The following MCM8 variants were observed in gnomAD, a reference collection of about 807,000 sequenced individuals.
MCM8 encodes minichromosome maintenance 8 homologous recombination repair factor, also known as DNA helicase MCM8.
A neutral mutation model predicts 98.9 loss-of-function variants in MCM8; 85 were observed. The ratio of observed to expected loss-of-function variants is 0.86; its 90% CI spans 0.72 to 1.03. MCM8 has a LOEUF of 1.03. MCM8 is among the 50% of genes least tolerant of loss of function. MCM8 has a pLI of 0.00. For missense variants in MCM8, 951 were observed against 997.8 expected, an observed-to-expected ratio of 0.95 and a Z score of 0.63; for synonymous variants, 352 against 338.6, an observed-to-expected ratio of 1.04 and a Z score of -0.44.
At chr20:5,974,900 AC>A (rs2089476496) in intron 12 of MCM8, among the ~76,000 whole-genome samples, 1 of 152,142 alleles carries the variant, frequency 6.6e-6, no homozygotes, top group Non-Finnish European at 1.5e-5. Context: ...CTGTTCTGAG[AC>A]CTCGCTACAA....
Position 5,993,897 on chromosome 20 carries a change from T to A in MCM8, c.2430+202T>A, listed in dbSNP as rs550940467. 6.2e-5 allele frequency: 28 copies of A among 449,692 alleles called. No homozygotes were observed. In the East Asian group the frequency reaches 9.3e-4, roughly 15 times the overall value. 27.9% of individuals were successfully genotyped at this position (449,692 alleles called of 1,614,324 possible). On this transcript the variant is annotated intron_variant, in intron 18 of 18. Transcript: ENST00000610722. ...ACTGTCTCTTGTGGATATGTCATTT[T>A]AACATCTTTTAACGTTGCATCCCTC...
At chr20:5,964,160 A>G (rs1555786674) in intron 8 of MCM8, among the ~76,000 whole-genome samples, 1 of 110,866 alleles carries the variant, frequency 9.0e-6, no homozygotes, top group Non-Finnish European at 2.0e-5. Flanking sequence ...TTCTTTGTGT[A>G]TGTGTTTTTC....
rs753649244 is a variant in MCM8, at chr20:5,973,201, A to G, written c.1395+5A>G. 4 of 1,613,514 alleles carry G rather than the reference A, an allele frequency of 2.5e-6. No homozygotes were observed. Among genetic ancestry groups the G allele is most frequent in the Non-Finnish European group, 3.4e-6 (4 of 1,179,712 alleles). On this transcript the variant is annotated splice_donor_5th_base_variant and intron_variant, in intron 12 of 18. Transcript: ENST00000610722. ...GGAAAAAGTCAAATGCTACAGGTAGACAATCAGTCATTTAGTGTTTGTTCT... is the reference window on the plus strand; with the variant it reads ...GGAAAAAGTCAAATGCTACAGGTAGGCAATCAGTCATTTAGTGTTTGTTCT...
At chr20:5,994,028 C>G in intron 18 of MCM8, 1 of 347,146 alleles carries the variant, frequency 2.9e-6, no homozygotes, top group South Asian at 7.4e-5. Flanking sequence ...GGAAAATTAA[C>G]TTCTTAATTT....
intron 7 of MCM8, among the ~76,000 whole-genome samples, chr20:5,961,314 G>A (rs551653989): frequency 5.3e-5 from 8 of 152,194 alleles, no homozygotes; most frequent in Non-Finnish European, 8.8e-5. Flanking sequence ...ATGTTTCCTC[G>A]GTGGTACCCA....
intron 10 of MCM8, among the ~76,000 whole-genome samples, chr20:5,970,858 G>T (rs1399817128): frequency 6.6e-6 from 1 of 152,060 alleles, no homozygotes; most frequent in Non-Finnish European, 1.5e-5. Context: ...GCCCAGGCTG[G>T]ATTGCCGTGG....
At chr20:5,962,641 TG>T (rs2089177842) in intron 7 of MCM8, among the ~76,000 whole-genome samples, 1 of 68,580 alleles carries the variant, frequency 1.5e-5, no homozygotes, top group Admixed American at 1.3e-4. Flanking sequence ...CCCAAAGTGC[TG>T]GGATTACAGG....
rs2089920100 is a variant in MCM8, at chr20:5,994,483, ACACACACACACAC to A, written c.*93_*105del. 7.0e-6 allele frequency: 3 copies of A among 428,070 alleles called. No homozygotes were observed. The highest frequency in any genetic ancestry group is 3.0e-5 in the African/African-American group (1 of 33,226). 26.5% of individuals were successfully genotyped at this position (428,070 alleles called of 1,614,324 possible). On this transcript the variant is annotated 3_prime_UTR_variant, in exon 19 of 19. Coordinates refer to ENST00000610722, the MANE Select transcript of MCM8 (RefSeq NM_032485.6). The stretch of plus-strand genomic sequence containing the variant: ...CGTGCACGCACAGACAGACAGACAC[ACACACACACACAC>A]ACACACACACACACACACACACACA...
At chr20:5,975,539 C>T (rs1360987679) in intron 12 of MCM8, among the ~76,000 whole-genome samples, 1 of 149,748 alleles carries the variant, frequency 6.7e-6, no homozygotes, top group Non-Finnish European at 1.5e-5. Context: ...CTCTGCCGCC[C>T]AGGCTGGAGT....
rs770032186 is a variant in MCM8 at position 5,993,608 on chromosome 20, T to G, written c.2343T>G (p.Ser781=). The change falls in exon 18 of 19, where the codon TCT becomes TCG. Residue 781 remains serine (S), a synonymous_variant. Transcript: ENST00000610722. ...GGTCAACAGCGAAAAGATTTATTTCTGCTCTCAACAACGTTGCTGAAAGAA... is the reference window on the plus strand; with the variant it reads ...GGTCAACAGCGAAAAGATTTATTTCGGCTCTCAACAACGTTGCTGAAAGAA... ...SNRSTAKRFI[S]ALNNVAERTY... 3.7e-6 allele frequency: 6 copies of G among 1,612,582 alleles called. No individual in the cohort carries two copies. In the Admixed American group the frequency reaches 1.0e-4, roughly 27 times the overall value.
At chr20:5,957,569 C>T (rs2089020335) in intron 6 of MCM8, among the ~76,000 whole-genome samples, 1 of 152,056 alleles carries the variant, frequency 6.6e-6, no homozygotes, top group Admixed American at 6.5e-5. Context: ...CTGAAATGCT[C>T]CAAAATTCAA....
chr20:5,962,813 G>C (rs1042184887), intron 7 of MCM8, among the ~76,000 whole-genome samples: 3 of 152,216 alleles, frequency 2.0e-5, no homozygotes, highest in African/African-American at 7.2e-5. Flanking sequence ...ACAAGTGCCT[G>C]TGTGGCATAA....
chr20:5,952,103 A>G lies in MCM8; in HGVS notation c.88A>G (p.Lys30Glu), dbSNP rs1195065164. The G allele has an allele frequency of 1.2e-6, 2 of 1,614,108 alleles. No homozygotes were observed. The change falls in exon 2 of 19, where the codon AAA becomes GAA. Residue 30 changes from lysine to glutamate, a missense_variant. Coordinates refer to ENST00000610722, the MANE Select transcript of MCM8 (RefSeq NM_032485.6). Reference protein sequence around the residue: ...RGRGGGNFSGKWREREHRPDL... With the variant: ...RGRGGGNFSGEWREREHRPDL... ...AAGAGGTGGTGGGAACTTCTCAGGA[A>G]AATGGAGAGAAAGAGAACACAGACC...
chr20:5,974,970 A>T (rs2089478012), intron 12 of MCM8, among the ~76,000 whole-genome samples: 1 of 152,212 alleles, frequency 6.6e-6, no homozygotes, highest in Non-Finnish European at 1.5e-5. Context: ...GCTCATCATG[A>T]ACAGGAATCT....
chr20:5,972,772 G>A (rs1375422870), intron 11 of MCM8: 12 of 1,361,884 alleles, frequency 8.8e-6, no homozygotes, highest in Middle Eastern at 2.0e-4. Flanking sequence ...CAGTATTAAA[G>A]CAAAAACAAA....
chr20:5,952,274 C>A, intron 2 of MCM8, 111 bp downstream of exon 2: 2 of 1,561,930 alleles, frequency 1.3e-6, no homozygotes, highest in East Asian at 2.3e-5. Context: ...TCATGCTACT[C>A]CTTAGTAAGT....
In MCM8 at chr20:5,955,190, C is replaced by T. The variant is rs2088943450; in HGVS notation, c.425C>T (p.Ala142Val). The T allele has an allele frequency of 6.2e-7, 1 of 1,613,760 alleles. No homozygotes were observed. Among genetic ancestry groups the T allele is most frequent in the Non-Finnish European group, 8.5e-7 (1 of 1,179,794 alleles). The change falls in exon 5 of 19, where the codon GCA becomes GTA. Residue 142 changes from alanine to valine, a missense_variant. Physicochemically the swap from Ala to Val is moderately conservative, Grantham distance 64. Coordinates refer to ENST00000610722, the MANE Select transcript of MCM8 (RefSeq NM_032485.6). Reference protein sequence around the residue: ...GEVTNLIPDIATELRDAPEKT... With the variant: ...GEVTNLIPDIVTELRDAPEKT... ...GTAACTAACTTGATACCAGATATAG[C>T]AACTGAACTAAGAGATGCACCTGAG...
At chr20:5,991,805 G>T (rs1180948072) in intron 17 of MCM8, among the ~76,000 whole-genome samples, 1 of 152,134 alleles carries the variant, frequency 6.6e-6, no homozygotes, top group African/African-American at 2.4e-5. Flanking sequence ...TAAATGTCCT[G>T]CACTGATAGT....
chr20:5,993,239 G>A (rs1243069264), intron 17 of MCM8, among the ~76,000 whole-genome samples: 2 of 152,026 alleles, frequency 1.3e-5, no homozygotes, highest in African/African-American at 2.4e-5. Context: ...TATTTATATT[G>A]TAGTTTATCA....
Sources: allele counts gnomAD v4.1 joint callset (sites outside exome capture counted in the v4.1 genomes callset), GRCh38; gene constraint gnomAD v4.1.1; transcripts MANE v1.5; gene names NCBI Gene and HGNC (gene_info 2026-07-23, HGNC 2026-07-21).